The following UTP18 variants were observed in gnomAD, a reference collection of about 807,000 sequenced individuals.
UTP18 encodes the protein UTP18 small subunit processome component, also known as U3 small nucleolar RNA-associated protein 18 homolog.
UTP18 carries 36 observed loss-of-function variants against 61.1 expected under a neutral mutation model. The observed-to-expected ratio is 0.59, with a 90% CI of 0.45 to 0.78. UTP18 has a LOEUF of 0.78. Ranked by LOEUF, UTP18 falls within the 30% of genes least tolerant of loss-of-function variation. UTP18 has a pLI of 0.00. For missense variants in UTP18, 753 were observed against 693.9 expected, an observed-to-expected ratio of 1.09 and a Z score of -0.96; for synonymous variants, 282 against 251.1, an observed-to-expected ratio of 1.12 and a Z score of -1.16.
chr17:51,266,331 C>T, intron 3 of UTP18, 51 bp downstream of exon 3: 2 of 1,325,134 alleles, frequency 1.5e-6, no homozygotes, highest in Non-Finnish European at 2.1e-6. Context: ...TAACCAATGC[C>T]CAGTCATTAA....
At position 51,293,492 on chromosome 17, in the gene UTP18, A is replaced by C. The variant is rs1323356395; in HGVS notation, c.1504-411A>C. 1.1e-4 allele frequency among the ~76,000 whole-genome samples: 14 copies of C among 121,832 alleles called. No homozygotes were observed. The Admixed American group carries it at 1.4e-3, about 12-fold the overall frequency. The allele number at this position is 121,832 out of a possible 152,430, so 79.9% of individuals were successfully genotyped here. A position where few individuals can be genotyped will look rare whatever the true frequency, so the allele number is the denominator to read the frequency against. On this transcript the variant is annotated intron_variant, in intron 11 of 13. Coordinates refer to ENST00000225298, the MANE Select transcript of UTP18 (RefSeq NM_016001.3). ...ACTAATTTGTAAACTTTCTTAAAAC[A>C]TGAGTTGTTGTTTTTTTTTTTTTTA... is the stretch of plus-strand genomic sequence containing the variant.
intron 9 of UTP18, 43 bp downstream of exon 9, chr17:51,280,522 T>G (rs372710767): frequency 1.7e-4 from 271 of 1,605,068 alleles, no homozygotes; most frequent in Non-Finnish European, 2.2e-4. Flanking sequence ...TTTTTACATT[T>G]TAAATTTTAG....
At position 51,296,960 on chromosome 17, in the gene UTP18, T is replaced by G. The variant is rs1380556065; in HGVS notation, c.1647-5T>G. The G allele has an allele frequency of 2.5e-6, 4 of 1,606,230 alleles. No homozygotes were observed. Among genetic ancestry groups the G allele is most frequent in the Non-Finnish European group, 3.4e-6 (4 of 1,177,202 alleles). On this transcript the variant is annotated splice_region_variant and splice_polypyrimidine_tract_variant and intron_variant, in intron 12 of 13. Coordinates refer to ENST00000225298, the MANE Select transcript of UTP18 (RefSeq NM_016001.3). ...GTTCAGATGACTTATTTTTTACTTT[T>G]CCAGGTTGCACCATTACTCAGACTT...
In UTP18 at chr17:51,260,904, T is replaced by G. The variant is rs747840629; in HGVS notation, c.320T>G (p.Leu107Arg). 6.3e-7 allele frequency: 1 copy of G among 1,590,704 alleles called. No homozygotes were observed. Among genetic ancestry groups the G allele is most frequent in the African/African-American group, 1.4e-5 (1 of 73,730 alleles). The change falls in exon 1 of 14, where the codon CTG becomes CGG. Residue 107 changes from leucine (L) to arginine (R), a missense_variant. Physicochemically the swap from Leu to Arg is moderately radical, Grantham distance 102. Transcript: ENST00000225298. ...GTCGAGAACGACGAGGACGCGTTGC[T>G]GCGGCGTCTGCGAGGCCCGAGGGTG... ...GDVENDEDALLRRLRGPRVQE... is the reference protein window; with the variant it reads ...GDVENDEDALRRRLRGPRVQE...
At chr17:51,278,340 A>T (rs1017396346) in intron 7 of UTP18, among the ~76,000 whole-genome samples, 3 of 152,174 alleles carry the variant, frequency 2.0e-5, no homozygotes, top group Admixed American at 2.0e-4. Flanking sequence ...CACTTGGTTA[A>T]AAAGTCTTAA....
At chr17:51,285,565 C>T (rs910825557) in intron 10 of UTP18, among the ~76,000 whole-genome samples, 197 bp downstream of exon 10, 1 of 152,122 alleles carries the variant, frequency 6.6e-6, no homozygotes, top group African/African-American at 2.4e-5. Flanking sequence ...AGTAGTTCCC[C>T]CCTTATCTGC....
At chr17:51,293,597 C>T (rs1905286925) in intron 11 of UTP18, among the ~76,000 whole-genome samples, 2 of 151,676 alleles carry the variant, frequency 1.3e-5, no homozygotes. Context: ...CCCAGGGAAG[C>T]CAAAAGATTG....
Position 51,294,033 on chromosome 17 carries a change from C to T in UTP18, c.1634C>T (p.Ala545Val). ...GCCTTGGGGAATGAAAAGGGCAAGG[C>T]CCTGATGTATAGGTAGGTATTATTT... Reference protein sequence around the residue: ...YFALGNEKGKALMYRLHHYSD... With the variant: ...YFALGNEKGKVLMYRLHHYSD... Residue 545 changes from alanine (A) to valine (V), a missense_variant, in exon 12 of 14, where the codon GCC (alanine) becomes GTC (valine). Ala to Val is a moderately conservative substitution (Grantham distance 64, BLOSUM62 0). Transcript: ENST00000225298. 2 of 1,603,450 alleles carry T rather than the reference C, an allele frequency of 1.2e-6. No individual in the cohort carries two copies. The highest frequency in any genetic ancestry group is 1.7e-6 in the Non-Finnish European group (2 of 1,176,004).
intron 11 of UTP18, chr17:51,288,683 C>A: frequency 2.2e-6 from 1 of 447,928 alleles, no homozygotes; most frequent in South Asian, 1.6e-5. Context: ...GTTAGGAATC[C>A]GCAGGACCAC....
At chr17:51,272,390 C>T (rs1182697897) in intron 4 of UTP18, among the ~76,000 whole-genome samples, 5 of 152,088 alleles carry the variant, frequency 3.3e-5, no homozygotes, top group Non-Finnish European at 7.4e-5. Flanking sequence ...TGAGCCACCG[C>T]GCCTGGCCTG....
chr17:51,272,941 T>C (rs140673822), intron 4 of UTP18, among the ~76,000 whole-genome samples: 5 of 152,362 alleles, frequency 3.3e-5, no homozygotes, highest in Admixed American at 6.5e-5. Flanking sequence ...ACATTGATCA[T>C]TCAGCTAAAA....
chr17:51,286,292 C>T (rs1567705604), intron 10 of UTP18, among the ~76,000 whole-genome samples: 2 of 152,152 alleles, frequency 1.3e-5, no homozygotes, highest in African/African-American at 4.8e-5. Flanking sequence ...TCTAAGCTAC[C>T]TTACTAAACC....
At position 51,280,492 on chromosome 17, in the gene UTP18, C is replaced by G; in HGVS notation, c.1204+13C>G. The stretch of plus-strand genomic sequence containing the variant: ...TACGCCTCTTCGGGTAAGACAACGA[C>G]ATGAAAGAAGCTAAGGATATTTTTA... On this transcript the variant is annotated intron_variant, in intron 9 of 13. Transcript: ENST00000225298. The G allele has an allele frequency of 1.9e-6, 3 of 1,612,552 alleles. No individual in the cohort carries two copies. Among genetic ancestry groups the G allele is most frequent in the Non-Finnish European group, 2.5e-6 (3 of 1,178,818 alleles).
chr17:51,293,712 TA>T, intron 11 of UTP18, among the ~76,000 whole-genome samples, 190 bp from the exon 12 acceptor site: 1 of 152,134 alleles, frequency 6.6e-6, no homozygotes, highest in Non-Finnish European at 1.5e-5. Flanking sequence ...CTCTTAACTA[TA>T]AAAATAAAGT....
In UTP18 at chr17:51,288,067, C is replaced by T; in HGVS notation, c.1367C>T (p.Ser456Phe). 1 of 1,602,544 alleles carries T rather than the reference C, an allele frequency of 6.2e-7. No individual in the cohort carries two copies. Among genetic ancestry groups the T allele is most frequent in the Non-Finnish European group, 8.5e-7 (1 of 1,176,878 alleles). The change falls in exon 11 of 14, where the codon TCT (serine) becomes TTT (phenylalanine). Residue 456 changes from serine to phenylalanine, a missense_variant. Transcript: ENST00000225298. The part of the protein sequence containing the change: ...CGVVNIYNQD[S>F]CLQETNPKPI... The stretch of plus-strand genomic sequence containing the variant: ...GTGGTAAATATATACAATCAAGATT[C>T]TTGTCTCCAAGAAACAAACCCAAAG...
At chr17:51,268,491 T>C (rs1422065104) in intron 3 of UTP18, among the ~76,000 whole-genome samples, 2 of 152,282 alleles carry the variant, frequency 1.3e-5, no homozygotes, top group East Asian at 1.9e-4. Context: ...GTCTATGTAC[T>C]GTGGCATAAA....
At chr17:51,292,203 A>G (rs895283747) in intron 11 of UTP18, among the ~76,000 whole-genome samples, 5 of 152,364 alleles carry the variant, frequency 3.3e-5, no homozygotes, top group Middle Eastern at 3.4e-3. Flanking sequence ...TTGAAAAAAT[A>G]TATATACTTA....
chr17:51,286,292 C>G (rs1567705604), intron 10 of UTP18, among the ~76,000 whole-genome samples: 1 of 152,152 alleles, frequency 6.6e-6, no homozygotes, highest in Non-Finnish European at 1.5e-5. Flanking sequence ...TCTAAGCTAC[C>G]TTACTAAACC....
At chr17:51,289,551 T>C (rs780918320) in intron 11 of UTP18, among the ~76,000 whole-genome samples, 9 of 152,034 alleles carry the variant, frequency 5.9e-5, no homozygotes, top group Non-Finnish European at 1.0e-4. Context: ...GTAAACTCTT[T>C]TCTGCCCAAC....
Sources: gnomAD v4.1 joint callset for allele counts (sites outside exome capture counted in the v4.1 genomes callset) on GRCh38, gnomAD v4.1.1 for gene constraint, MANE v1.5 for transcripts, NCBI Gene and HGNC (gene_info 2026-07-23, HGNC 2026-07-21) for gene names.